RLN2: variants seen among roughly 807,000 people sequenced by gnomAD.
RLN2 encodes prorelaxin H2.
In RLN2, 10 loss-of-function variants were observed where a neutral mutation model predicts 7.3. The ratio of observed to expected loss-of-function variants is 1.36; its 90% CI spans 0.84 to 2.31. RLN2 has a LOEUF of 2.31. RLN2 is among the 30% of genes most tolerant of loss of function. RLN2 has a pLI of 0.00. For missense variants in RLN2, 298 were observed against 217.6 expected, an observed-to-expected ratio of 1.37 and a Z score of -2.32; for synonymous variants, 103 against 82.3, an observed-to-expected ratio of 1.25 and a Z score of -1.36.
chr9:5,322,115 T>C, the RLN2 span, among the ~76,000 whole-genome samples: 2 of 151,854 alleles, frequency 1.3e-5, no homozygotes, highest in African/African-American at 4.8e-5. Context: ...GCAGGTAGAT[T>C]AGGATATCAG....
At chr9:5,335,363 T>C in the RLN2 span, 50 of 1,613,624 alleles carry the variant, frequency 3.1e-5, no homozygotes, top group Non-Finnish European at 4.2e-5. Flanking sequence ...GCCTAAGTAT[T>C]TTAATTCTGA....
the RLN2 span, among the ~76,000 whole-genome samples, chr9:5,322,261 A>G: frequency 4.3e-4 from 66 of 152,142 alleles, no homozygotes; most frequent in African/African-American, 1.6e-3. Flanking sequence ...GAGAAACATC[A>G]GGGGTGAGTT....
At chr9:5,320,055 G>A in the RLN2 span, among the ~76,000 whole-genome samples, 32 of 150,302 alleles carry the variant, frequency 2.1e-4, no homozygotes, top group South Asian at 8.4e-4. Flanking sequence ...GCACAATCTC[G>A]GTTCACTGCA....
chr9:5,332,189 T>G, the RLN2 span, among the ~76,000 whole-genome samples: 1 of 152,076 alleles, frequency 6.6e-6, no homozygotes, highest in South Asian at 2.1e-4. Flanking sequence ...AAAGTAAGAC[T>G]CACAGTGGTG....
At chr9:5,324,467 T>A in the RLN2 span, among the ~76,000 whole-genome samples, 1 of 152,182 alleles carries the variant, frequency 6.6e-6, no homozygotes, top group East Asian at 1.9e-4. Context: ...TAAATTCCAA[T>A]TCCAATGACA....
chr9:5,325,344 G>GA, the RLN2 span, among the ~76,000 whole-genome samples: 29 of 150,354 alleles, frequency 1.9e-4, no homozygotes, highest in Non-Finnish European at 3.4e-4. Context: ...GGAAAGGCTA[G>GA]AAAAAAAAAC....
At chr9:5,307,666 G>T (rs912139058), upstream of RLN2, among the ~76,000 whole-genome samples, 2 of 152,018 alleles carry the variant, frequency 1.3e-5, no homozygotes, top group African/African-American at 2.4e-5. Flanking sequence ...TGTCCAAGTT[G>T]TAAGTTTCCT....
At chr9:5,304,307 G>A (rs1015717471) in intron 1 of RLN2, 63 bp downstream of exon 1, 116 of 1,199,710 alleles carry the variant, frequency 9.7e-5, no homozygotes, top group Middle Eastern at 2.7e-4. Flanking sequence ...TTCCAATTGG[G>A]CGGCCGCCCC....
the RLN2 span, among the ~76,000 whole-genome samples, chr9:5,332,580 A>G: frequency 6.6e-6 from 1 of 150,616 alleles, no homozygotes; most frequent in East Asian, 1.9e-4. Flanking sequence ...CCAATACTTG[A>G]TGCTTTGTTA....
At chr9:5,335,630 G>C in the RLN2 span, 1 of 1,389,854 alleles carries the variant, frequency 7.2e-7, no homozygotes, top group Non-Finnish European at 1.0e-6. Context: ...GTATGTGAAG[G>C]CGTATTCACG....
chr9:5,323,317 T>A, the RLN2 span, among the ~76,000 whole-genome samples: 1 of 151,992 alleles, frequency 6.6e-6, no homozygotes, highest in Non-Finnish European at 1.5e-5. Flanking sequence ...ATCAATTTAA[T>A]TCATAGACCA....
the RLN2 span, among the ~76,000 whole-genome samples, chr9:5,321,003 T>G: frequency 2.0e-5 from 3 of 152,102 alleles, no homozygotes; most frequent in Admixed American, 1.3e-4. Flanking sequence ...CACAACATGA[T>G]TCTCATCTTA....
rs138752174 is a variant in RLN2 at position 5,304,371 on chromosome 9, T to C, written c.210A>G (p.Ala70=). ...EDAPQTPRPV[A]EIVPSFINKD... ...CCGGGAGGGGGCGGGAGCTCTCACC[T>C]GCCACTGGTCTAGGTGTCTGAGGAG... Residue 70 remains alanine (A), a splice_region_variant and synonymous_variant, in exon 1 of 2, where the codon GCA becomes GCG. Transcript: ENST00000381627. 2.3e-4 allele frequency: 366 copies of C among 1,590,602 alleles called. No individual in the cohort carries two copies. The African/African-American group carries it at 4.9e-3, about 21-fold the overall frequency.
At chr9:5,312,771 G>C in the RLN2 span, among the ~76,000 whole-genome samples, 3 of 151,072 alleles carry the variant, frequency 2.0e-5, no homozygotes, top group African/African-American at 4.9e-5. Flanking sequence ...TTGGTATGCT[G>C]TTTCTATTTT....
At chr9:5,301,655 A>C (rs557269516) in intron 1 of RLN2, among the ~76,000 whole-genome samples, 1 of 152,200 alleles carries the variant, frequency 6.6e-6, no homozygotes, top group African/African-American at 2.4e-5. Flanking sequence ...AGTAAATCTA[A>C]GTGCGGGAGG....
chr9:5,319,987 CTTT>C, the RLN2 span, among the ~76,000 whole-genome samples: 69 of 144,882 alleles, frequency 4.8e-4, no homozygotes, highest in Non-Finnish European at 5.4e-4. Flanking sequence ...TAAGCTAACA[CTTT>C]TTTTTTTTTT....
chr9:5,317,738 C>T, the RLN2 span, among the ~76,000 whole-genome samples: 1 of 151,758 alleles, frequency 6.6e-6, no homozygotes, highest in African/African-American at 2.4e-5. Context: ...GTAAAAGACA[C>T]AAATTAGGCA....
chr9:5,326,463 ACTCCTGCTGGTACCCAGACTGGCTGAT>A, the RLN2 span, among the ~76,000 whole-genome samples: 2 of 151,844 alleles, frequency 1.3e-5, no homozygotes, highest in African/African-American at 4.8e-5. Context: ...CACCCTAAAG[ACTCCTGCTGGTACCCAGACTGGCTGAT>A]CTCCATCAGA....
chr9:5,300,042 A>G lies in RLN2; in HGVS notation c.*56T>C. ...TGGGACCTGATAGAAGCATCAGTGA[A>G]ATGTCATTAAGAATATGTGTGAATA... On this transcript the variant is annotated 3_prime_UTR_variant, in exon 2 of 2. Transcript: ENST00000381627. 9.0e-7 allele frequency: 1 copy of G among 1,108,662 alleles called. No homozygotes were observed. 68.7% of individuals were successfully genotyped at this position (1,108,662 alleles called of 1,614,324 possible). A position where few individuals can be genotyped will look rare whatever the true frequency, so the allele number is the denominator to read the frequency against.
Sources: allele counts gnomAD v4.1 joint callset (sites outside exome capture counted in the v4.1 genomes callset), GRCh38; gene constraint gnomAD v4.1.1; transcripts MANE v1.5; gene names NCBI Gene and HGNC (gene_info 2026-07-23, HGNC 2026-07-21).